The following PRDM2 variants were observed in gnomAD, a reference collection of about 807,000 sequenced individuals.
PRDM2 encodes the protein PR/SET domain 2.
A neutral mutation model predicts 130.0 loss-of-function variants in PRDM2; 30 were observed. That is an observed-to-expected ratio of 0.23 (90% CI 0.17 to 0.31). The LOEUF is 0.31. PRDM2 is among the 10% of genes least tolerant of loss of function. The pLI is 1.00. For missense variants in PRDM2, 2,011 were observed against 2,108.4 expected (o/e 0.95, Z 0.90); for synonymous variants, 871 against 782.4 (o/e 1.11, Z -1.89).
chr1:13,742,148 A>G lies in PRDM2; in HGVS notation c.375A>G (p.Lys125=), dbSNP rs1244942798. Residue 125 remains lysine, a synonymous_variant, in exon 5 of 10, where the codon AAA becomes AAG. Transcript: ENST00000311066. Reference sequence around the variant, plus strand: ...AAATCAACAGAGCCATTTACTATAAAACTTTAAAGGTAACAGCATTAGAAT... The same window carrying G: ...AAATCAACAGAGCCATTTACTATAAGACTTTAAAGGTAACAGCATTAGAAT... ...PLEINRAIYY[K]TLKPIAPGEE... 4.3e-6 allele frequency: 7 copies of G among 1,613,510 alleles called. No homozygotes were observed. In the African/African-American group the frequency reaches 8.0e-5, roughly 18 times the overall value.
At chr1:13,808,876 C>T (rs529592990) in intron 8 of PRDM2, among the ~76,000 whole-genome samples, 214 of 152,316 alleles carry the variant, frequency 1.4e-3, no homozygotes, top group South Asian at 6.6e-3. Context: ...GGGAACCTGA[C>T]CAGGGCCATG....
At chr1:13,799,614 T>A (rs1292658780) in intron 8 of PRDM2, among the ~76,000 whole-genome samples, 1 of 152,206 alleles carries the variant, frequency 6.6e-6, no homozygotes, top group Non-Finnish European at 1.5e-5. Flanking sequence ...TAATGCATGT[T>A]CTTCATTGCC....
intron 8 of PRDM2, chr1:13,787,146 T>C (rs1340426405): frequency 1.0e-6 from 1 of 985,456 alleles, no homozygotes; most frequent in Non-Finnish European, 1.2e-6. Context: ...TTTATGCCTA[T>C]TCTGGTGTTG....
At chr1:13,757,547 A>G (rs1643986792) in intron 6 of PRDM2, among the ~76,000 whole-genome samples, 1 of 152,210 alleles carries the variant, frequency 6.6e-6, no homozygotes, top group Non-Finnish European at 1.5e-5. Flanking sequence ...TTGTTCCACC[A>G]ATAAAAATAC....
chr1:13,723,643 G>A (rs1259871838), intron 2 of PRDM2, among the ~76,000 whole-genome samples: 1 of 152,172 alleles, frequency 6.6e-6, no homozygotes, highest in South Asian at 2.1e-4. Context: ...CTCATTTGCT[G>A]TGCTTCTTCT....
intron 8 of PRDM2, among the ~76,000 whole-genome samples, chr1:13,808,135 T>C (rs531274504): frequency 1.0e-3 from 152 of 152,312 alleles, no homozygotes; most frequent in African/African-American, 3.5e-3. Flanking sequence ...ATGTTTAAAA[T>C]GTTCAACCAC....
chr1:13,782,233 A>C lies in PRDM2; in HGVS notation c.4438A>C (p.Lys1480Gln). 3 of 1,613,460 alleles carry C rather than the reference A, an allele frequency of 1.9e-6. No homozygotes were observed. Among genetic ancestry groups the C allele is most frequent in the Non-Finnish European group, 1.7e-6 (2 of 1,179,874 alleles). The change falls in exon 8 of 10, where the codon AAA (lysine) becomes CAA (glutamine). Residue 1480 changes from lysine (K) to glutamine (Q), a missense_variant. This residue lies in a region of PRDM2 where 410 missense variants were observed against 395.9 expected (regional missense o/e 1.04). Transcript: ENST00000311066. ...TAAACACGCCGCCTTCAGCTGTCCC[A>C]AAAAACCCCTTTCTCCTCCCAAAAA... The part of the protein sequence containing the change: ...LNKHAAFSCP[K>Q]KPLSPPKKKV...
At chr1:13,755,191 A>G (rs915213455) in intron 6 of PRDM2, among the ~76,000 whole-genome samples, 1 of 152,066 alleles carries the variant, frequency 6.6e-6, no homozygotes, top group Non-Finnish European at 1.5e-5. Flanking sequence ...GTTGGTCAGT[A>G]TTTTCGTTTT....
At chr1:13,766,161 AC>A (rs1336127931) in intron 6 of PRDM2, among the ~76,000 whole-genome samples, 1 of 152,086 alleles carries the variant, frequency 6.6e-6, no homozygotes, top group Non-Finnish European at 1.5e-5. Flanking sequence ...TTCAACATCT[AC>A]CCTGTTCCCT....
chr1:13,791,901 C>T (rs192959020), intron 8 of PRDM2, among the ~76,000 whole-genome samples: 1 of 152,158 alleles, frequency 6.6e-6, no homozygotes, highest in Non-Finnish European at 1.5e-5. Flanking sequence ...AATAGAAATT[C>T]AGGTGGACAT....
chr1:13,774,194 T>G (rs979998132), intron 7 of PRDM2, among the ~76,000 whole-genome samples: 2 of 150,854 alleles, frequency 1.3e-5, no homozygotes, highest in Non-Finnish European at 2.9e-5. Flanking sequence ...CAGCTTGCCC[T>G]CTGCTCATTG....
chr1:13,824,534 G>A lies in PRDM2; in HGVS notation c.*1399G>A, dbSNP rs538218297. 2.6e-5 allele frequency: 4 copies of A among 152,210 alleles called. No homozygotes were observed. The highest frequency in any genetic ancestry group is 3.9e-4 in the East Asian group (2 of 5,180). The allele number at this position is 152,210 out of a possible 1,614,324, so 9.4% of individuals were successfully genotyped here. On this transcript the variant is annotated 3_prime_UTR_variant, in exon 10 of 10. Transcript: ENST00000311066. ...AGGATCTAGGAGAAGGGTCTCATGC[G>A]GACCCTCACATGGGCAGAAAAATGG...
intron 6 of PRDM2, among the ~76,000 whole-genome samples, chr1:13,761,095 T>TG (rs1208126507): frequency 6.6e-6 from 1 of 152,256 alleles, no homozygotes; most frequent in Non-Finnish European, 1.5e-5. Flanking sequence ...CGAGGACACC[T>TG]GTGGTGACAT....
intron 6 of PRDM2, among the ~76,000 whole-genome samples, chr1:13,752,805 A>C (rs1434620083): frequency 2.6e-5 from 4 of 152,212 alleles, no homozygotes; most frequent in African/African-American, 9.6e-5. Context: ...GCGATCTTGG[A>C]CAGCTCATGT....
chr1:13,743,679 A>C (rs1643519223), intron 5 of PRDM2, among the ~76,000 whole-genome samples: 1 of 152,204 alleles, frequency 6.6e-6, no homozygotes, highest in Non-Finnish European at 1.5e-5. Flanking sequence ...GTGTTTTGTT[A>C]GTGTAGTGGC....
intron 2 of PRDM2, among the ~76,000 whole-genome samples, chr1:13,718,653 T>C (rs953385815): frequency 4.1e-4 from 62 of 152,072 alleles, no homozygotes; most frequent in African/African-American, 1.4e-3. Context: ...ACCTCTCAAT[T>C]AGAGCCCAGC....
rs1050260272 is a variant in PRDM2 at position 13,742,007 on chromosome 1, G to A, written c.234G>A (p.Val78=). Residue 78 remains valine (V), a splice_region_variant and synonymous_variant, in exon 5 of 10, where the codon GTG becomes GTA. Coordinates refer to ENST00000311066, the MANE Select transcript of PRDM2 (RefSeq NM_001393986.1). ...QVKNNVYMWE[V]YYPNLGWMCI... ...TTTTACTTTTCTCCATTTTCAAGGT[G>A]TATTACCCAAATTTGGGATGGATGT... 1.3e-6 allele frequency: 2 copies of A among 1,553,928 alleles called. No individual in the cohort carries two copies. Among genetic ancestry groups the A allele is most frequent in the African/African-American group, 1.4e-5 (1 of 73,378 alleles).
At chr1:13,766,386 C>T (rs1644227613) in intron 6 of PRDM2, among the ~76,000 whole-genome samples, 1 of 152,160 alleles carries the variant, frequency 6.6e-6, no homozygotes, top group Non-Finnish European at 1.5e-5. Flanking sequence ...ACCAAGTTGT[C>T]AAATGTGAAG....
intron 4 of PRDM2, among the ~76,000 whole-genome samples, chr1:13,741,107 T>G (rs530396033): frequency 6.6e-6 from 1 of 152,350 alleles, no homozygotes; most frequent in Non-Finnish European, 1.5e-5. Flanking sequence ...CTCGAGTGTT[T>G]TGTAGACTGG....
Sources: allele counts gnomAD v4.1 joint callset (sites outside exome capture counted in the v4.1 genomes callset), GRCh38; gene constraint gnomAD v4.1.1; regional missense constraint gnomAD v4.1.1; transcripts MANE v1.5; gene names NCBI Gene and HGNC (gene_info 2026-07-23, HGNC 2026-07-21).